SNPH: variants seen among roughly 807,000 people sequenced by gnomAD.
SNPH encodes the protein syntaphilin.
In SNPH, 10 loss-of-function variants were observed where a neutral mutation model predicts 36.8. That is an observed-to-expected ratio of 0.27 (90% CI 0.17 to 0.46). SNPH has a LOEUF of 0.46. Ranked by LOEUF, SNPH falls within the 20% of genes least tolerant of loss-of-function variation. SNPH has a pLI of 1.00. For missense variants in SNPH, 622 were observed against 744.0 expected, an observed-to-expected ratio of 0.84 and a Z score of 1.91; for synonymous variants, 281 against 312.2, an observed-to-expected ratio of 0.90 and a Z score of 1.05.
Position 1,300,622 on chromosome 20 carries a change from G to A in SNPH, c.351G>A (p.Glu117=). The A allele has an allele frequency of 1.2e-6, 2 of 1,613,764 alleles. No homozygotes were observed. Among genetic ancestry groups the A allele is most frequent in the Non-Finnish European group, 8.5e-7 (1 of 1,180,006 alleles). The change falls in exon 6 of 7, where the codon GAG becomes GAA. Residue 117 remains glutamate, a synonymous_variant. Transcript: ENST00000381867. ...DNHGIKPPTP[E]QYLTPLQQKE... is the part of the protein sequence containing the mutation. Reference sequence around the variant, plus strand: ...ATGGCATCAAGCCCCCGACCCCGGAGCAGTACCTGACCCCCCTGCAGCAGA... The same window carrying A: ...ATGGCATCAAGCCCCCGACCCCGGAACAGTACCTGACCCCCCTGCAGCAGA...
At chr20:1,269,202 C>T (rs2088043403) in intron 2 of SNPH, among the ~76,000 whole-genome samples, 1 of 152,232 alleles carries the variant, frequency 6.6e-6, no homozygotes, top group African/African-American at 2.4e-5. Flanking sequence ...GGCCTCCCCT[C>T]AAGGCCTCTG....
rs1451809895 is a variant in SNPH, at chr20:1,266,527, A to G, written c.-599-127A>G. 5 of 1,308,898 alleles carry G rather than the reference A, an allele frequency of 3.8e-6. No individual in the cohort carries two copies. The highest frequency in any genetic ancestry group is 4.9e-6 in the Non-Finnish European group (5 of 1,012,280). 81.1% of individuals were successfully genotyped at this position (1,308,898 alleles called of 1,614,324 possible). On this transcript the variant is annotated intron_variant, in intron 1 of 6. Transcript: ENST00000381867. This position sits in a 1 kb window ranked among gnomAD's most constrained non-coding sequence, Gnocchi z 6.0. Reference sequence around the variant, plus strand: ...AGGAGGAGGGGACGGAGCACCCGGCAGGCAGCCTGCCCTCCAAGCCTTCTG... The same window carrying G: ...AGGAGGAGGGGACGGAGCACCCGGCGGGCAGCCTGCCCTCCAAGCCTTCTG...
chr20:1,296,142 C>A lies in SNPH; in HGVS notation c.-98C>A, dbSNP rs984943285. The A allele has an allele frequency of 4.7e-6, 5 of 1,054,886 alleles. No individual in the cohort carries two copies. The highest frequency in any genetic ancestry group is 6.6e-6 in the Non-Finnish European group (5 of 758,958). The allele number at this position is 1,054,886 out of a possible 1,614,324, so 65.3% of individuals were successfully genotyped here. ...GTGGTTTTAAGTTGGGTGGTGGGAA[C>A]CTGTGCACCAGCCCTATTCAATTCA... On this transcript the variant is annotated 5_prime_UTR_variant, in exon 4 of 7. Coordinates refer to ENST00000381867, the MANE Select transcript of SNPH (RefSeq NM_001318234.2).
In SNPH at chr20:1,305,810, A is replaced by C; in HGVS notation, c.1373A>C (p.Glu458Ala). ...GAGGAGGAGGAGGCTGCCGTGGCTG[A>C]GAAGGAGCCCAAGAGCTACTGGAGC... is the stretch of plus-strand genomic sequence containing the variant. ...MEEEEEAAVA[E>A]KEPKSYWSRH... is the part of the protein sequence containing the mutation. The change falls in exon 7 of 7, where the codon GAG becomes GCG. Residue 458 changes from glutamate (E) to alanine (A), a missense_variant. Physicochemically the swap from Glu to Ala is moderately radical, Grantham distance 107 (BLOSUM62 -1). This residue lies in a region of SNPH where 379 missense variants were observed against 427.9 expected (regional missense o/e 0.89). Coordinates refer to ENST00000381867, the MANE Select transcript of SNPH (RefSeq NM_001318234.2). 1 of 1,590,386 alleles carries C rather than the reference A, an allele frequency of 6.3e-7. No individual in the cohort carries two copies. The highest frequency in any genetic ancestry group is 8.6e-7 in the Non-Finnish European group (1 of 1,168,500).
At chr20:1,288,621 TTTTTTC>T in intron 2 of SNPH, among the ~76,000 whole-genome samples, 1 of 149,134 alleles carries the variant, frequency 6.7e-6, no homozygotes. Flanking sequence ...TTCTTTTTCT[TTTTTTC>T]TTTTTTTTTT....
Position 1,294,392 on chromosome 20 carries a change from G to A in SNPH, c.-492-559G>A, listed in dbSNP as rs1310906419. ...CCCAGGAGGCAGTGAGCCATTTATG[G>A]CCATCCTCACAAGCATGGAGGAGCA... On this transcript the variant is annotated intron_variant, in intron 2 of 6. Coordinates refer to ENST00000381867, the MANE Select transcript of SNPH (RefSeq NM_001318234.2). This position sits in a 1 kb window ranked among gnomAD's most constrained non-coding sequence, Gnocchi z 4.4. Among the ~76,000 whole-genome samples, 1 of 152,140 alleles carries A rather than the reference G, an allele frequency of 6.6e-6. No homozygotes were observed. The highest frequency in any genetic ancestry group is 1.5e-5 in the Non-Finnish European group (1 of 68,010).
chr20:1,284,252 C>A (rs1286038548), intron 2 of SNPH, among the ~76,000 whole-genome samples: 4 of 152,064 alleles, frequency 2.6e-5, no homozygotes, highest in Non-Finnish European at 5.9e-5. Flanking sequence ...AACAAAGTAC[C>A]ACAAAGCTTT....
At chr20:1,277,919 CTGTG>C (rs538614375) in intron 2 of SNPH, among the ~76,000 whole-genome samples, 1 of 126,248 alleles carries the variant, frequency 7.9e-6, no homozygotes, top group Non-Finnish European at 1.7e-5. Flanking sequence ...GTGTGTGTGC[CTGTG>C]TGTGTCTGCG....
chr20:1,292,517 C>G (rs2088375387), intron 2 of SNPH, among the ~76,000 whole-genome samples: 3 of 152,232 alleles, frequency 2.0e-5, no homozygotes, highest in Admixed American at 6.5e-5. Flanking sequence ...CCCAGGCCCT[C>G]CTAATTTCTC....
Position 1,266,445 on chromosome 20 carries a change from C to A in SNPH, c.-600+48C>A. ...TCTCCGGGCCCACCGCCCAGCTGCA[C>A]CCGCCGCAGTCCAGAGTGCCGAGTG... is the stretch of plus-strand genomic sequence containing the variant. On this transcript the variant is annotated intron_variant, in intron 1 of 6. Coordinates refer to ENST00000381867, the MANE Select transcript of SNPH (RefSeq NM_001318234.2). This position sits in a 1 kb window ranked among gnomAD's most constrained non-coding sequence, Gnocchi z 6.0. 3.2e-6 allele frequency: 2 copies of A among 621,980 alleles called. No individual in the cohort carries two copies. Among genetic ancestry groups the A allele is most frequent in the Non-Finnish European group, 4.9e-6 (2 of 406,438 alleles). The allele number at this position is 621,980 out of a possible 1,614,324, so 38.5% of individuals were successfully genotyped here.
At chr20:1,281,391 T>A (rs1568541799) in intron 2 of SNPH, among the ~76,000 whole-genome samples, 1 of 152,224 alleles carries the variant, frequency 6.6e-6, no homozygotes, top group Non-Finnish European at 1.5e-5. Flanking sequence ...CCTTGAGCCT[T>A]AGGCCTGCCT....
rs539684527 is a variant in SNPH at position 1,288,398 on chromosome 20, G to A, written c.-492-6553G>A. Among the ~76,000 whole-genome samples the A allele has an allele frequency of 4.6e-5, 7 of 152,108 alleles. No individual in the cohort carries two copies. The South Asian group carries it at 6.2e-4, about 14-fold the overall frequency. The stretch of plus-strand genomic sequence containing the variant: ...GACGAACAGAGGTCAAAGACCCAAG[G>A]TCACCAAGATGGACGATGTGATATG... On this transcript the variant is annotated intron_variant, in intron 2 of 6. Coordinates refer to ENST00000381867, the MANE Select transcript of SNPH (RefSeq NM_001318234.2).
Position 1,286,881 on chromosome 20 carries a change from A to T in SNPH, c.-492-8070A>T, listed in dbSNP as rs1285986434. 2.6e-5 allele frequency among the ~76,000 whole-genome samples: 4 copies of T among 152,248 alleles called. No individual in the cohort carries two copies. In the East Asian group the frequency reaches 7.7e-4, roughly 29 times the overall value. Reference sequence around the variant, plus strand: ...GGGGCTGTCGTCGCAGGCAGAGCAGATGACATCTCCACATCCCTTTAGTCC... The same window carrying T: ...GGGGCTGTCGTCGCAGGCAGAGCAGTTGACATCTCCACATCCCTTTAGTCC... On this transcript the variant is annotated intron_variant, in intron 2 of 6. Transcript: ENST00000381867.
At chr20:1,297,593 C>T (rs1307392001) in intron 5 of SNPH, among the ~76,000 whole-genome samples, 2 of 152,194 alleles carry the variant, frequency 1.3e-5, no homozygotes, top group Non-Finnish European at 2.9e-5. Flanking sequence ...CAGCTTTTGT[C>T]TTTGTCATCA....
Position 1,271,215 on chromosome 20 carries a change from C to T in SNPH, c.-493+4455C>T, listed in dbSNP as rs372993304. 4.6e-5 allele frequency among the ~76,000 whole-genome samples: 7 copies of T among 152,336 alleles called. No individual in the cohort carries two copies. In the East Asian group the frequency reaches 1.4e-3, roughly 29 times the overall value. On this transcript the variant is annotated intron_variant, in intron 2 of 6. Coordinates refer to ENST00000381867, the MANE Select transcript of SNPH (RefSeq NM_001318234.2). ...GTCCTCACCCCAGCTCTGCCGTTGA[C>T]CCACTGGGTGGCCTTAGGTCAGACC...
intron 4 of SNPH, among the ~76,000 whole-genome samples, chr20:1,296,626 G>T (rs962225188): frequency 6.6e-6 from 1 of 152,202 alleles, no homozygotes; most frequent in African/African-American, 2.4e-5. Flanking sequence ...GTTCTCGGAA[G>T]GTGTAAACCA....
intron 2 of SNPH, among the ~76,000 whole-genome samples, chr20:1,270,843 G>T (rs1288310786): frequency 6.6e-6 from 1 of 152,186 alleles, no homozygotes; most frequent in African/African-American, 2.4e-5. Flanking sequence ...ACTCAGCAGG[G>T]CTTGGTTCAT....
chr20:1,295,326 C>G (rs1383807731), intron 3 of SNPH, among the ~76,000 whole-genome samples: 1 of 152,238 alleles, frequency 6.6e-6, no homozygotes, highest in African/African-American at 2.4e-5. Context: ...GAACCCAAGC[C>G]TCTACCCAGG....
rs2088562310 is a variant in SNPH, at chr20:1,305,519, A to G, written c.1082A>G (p.Asp361Gly). 2 of 1,613,076 alleles carry G rather than the reference A, an allele frequency of 1.2e-6. No individual in the cohort carries two copies. Among genetic ancestry groups the G allele is most frequent in the South Asian group, 2.2e-5 (2 of 91,078 alleles). ...ATGCAGGAGCGTGCCATCCAGACAG[A>G]CTTCGTGCAGTACCAGCCTGACCTT... ...SCMQERAIQTDFVQYQPDLDT... is the reference protein window; with the variant it reads ...SCMQERAIQTGFVQYQPDLDT... The change falls in exon 7 of 7, where the codon GAC becomes GGC. Residue 361 changes from aspartate (D) to glycine (G), a missense_variant. Around this residue, in one of 3 missense-constraint regions of SNPH, gnomAD observed 379 missense variants for 427.9 expected, o/e 0.89. Transcript: ENST00000381867.
Sources: gnomAD v4.1 joint callset for allele counts (sites outside exome capture counted in the v4.1 genomes callset) on GRCh38, gnomAD v4.1.1 for gene constraint, gnomAD v4.1.1 regional missense constraint, Gnocchi (gnomAD v3.1) non-coding constraint, MANE v1.5 for transcripts, NCBI Gene and HGNC (gene_info 2026-07-23, HGNC 2026-07-21) for gene names.